The following MECOM variants were observed in gnomAD, a reference collection of about 807,000 sequenced individuals.
MECOM encodes the protein MDS1 and EVI1 complex locus.
MECOM carries 13 observed loss-of-function variants against 116.3 expected under a neutral mutation model. That is an observed-to-expected ratio of 0.11 (90% CI 0.07 to 0.18). The LOEUF is 0.18. MECOM is among the 10% of genes least tolerant of loss of function. MECOM has a pLI of 1.00. For missense variants in MECOM, 1,299 were observed against 1,509.0 expected, an observed-to-expected ratio of 0.86 and a Z score of 2.31; for synonymous variants, 528 against 535.2, an observed-to-expected ratio of 0.99 and a Z score of 0.19.
At chr3:169,452,022 G>A (rs1745682414) in intron 1 of MECOM, among the ~76,000 whole-genome samples, 1 of 151,790 alleles carries the variant, frequency 6.6e-6, no homozygotes, top group Non-Finnish European at 1.5e-5. Context: ...CTAGTCTCTA[G>A]TAATGCTTTT....
At chr3:169,299,905 A>T (rs763269315) in intron 2 of MECOM, among the ~76,000 whole-genome samples, 4 of 152,190 alleles carry the variant, frequency 2.6e-5, no homozygotes, top group Non-Finnish European at 5.9e-5. Flanking sequence ...ATGAATGTGG[A>T]TAAGTATTGA....
intron 2 of MECOM, among the ~76,000 whole-genome samples, chr3:169,354,855 T>C (rs1252444282): frequency 6.6e-6 from 1 of 151,798 alleles, no homozygotes; most frequent in Non-Finnish European, 1.5e-5. Flanking sequence ...GACACACAAT[T>C]ACACTCCCCT....
At chr3:169,663,032 C>A (rs1776529831) in intron 1 of MECOM, among the ~76,000 whole-genome samples, 1 of 134,044 alleles carries the variant, frequency 7.5e-6, no homozygotes, top group South Asian at 2.7e-4. Flanking sequence ...CGCGCTCTCT[C>A]CTCCCTCCCA....
At chr3:169,109,489 A>G (rs1726597921) in intron 9 of MECOM, among the ~76,000 whole-genome samples, 2 of 150,314 alleles carry the variant, frequency 1.3e-5, no homozygotes, top group South Asian at 4.2e-4. Flanking sequence ...ATCTCAGCTC[A>G]CTGCAACCTC....
intron 2 of MECOM, among the ~76,000 whole-genome samples, chr3:169,157,580 A>G (rs1292159225): frequency 6.6e-6 from 1 of 152,204 alleles, no homozygotes; most frequent in African/African-American, 2.4e-5. Context: ...ATCATTGTGA[A>G]AATATGGACA....
At chr3:169,315,788 C>T (rs954503647) in intron 2 of MECOM, among the ~76,000 whole-genome samples, 3 of 152,048 alleles carry the variant, frequency 2.0e-5, no homozygotes, top group Non-Finnish European at 4.4e-5. Flanking sequence ...ATATCTATTC[C>T]ATGAATGTTA....
chr3:169,472,580 G>GAGGAAAGGAA lies in MECOM; in HGVS notation c.38-91066_38-91057dup, dbSNP rs779270656. Among the ~76,000 whole-genome samples the GAGGAAAGGAA allele has an allele frequency of 1.0e-3, 59 of 59,080 alleles. 2 individuals carry two copies. The highest frequency in any genetic ancestry group is 2.6e-3 in the East Asian group (5 of 1,934). The allele number at this position is 59,080 out of a possible 152,430, so 38.8% of individuals were successfully genotyped here. ...AAAGAGAGGAGAGGAGAGGAGAGGA[G>GAGGAAAGGAA]AGGAAAGGAAAGGAAAGGAAAGGAA... is the stretch of plus-strand genomic sequence containing the variant. On this transcript the variant is annotated intron_variant, in intron 1 of 16. Transcript: ENST00000651503.
intron 1 of MECOM, among the ~76,000 whole-genome samples, chr3:169,397,098 G>T (rs1560220866): frequency 6.6e-6 from 1 of 152,118 alleles, no homozygotes; most frequent in Admixed American, 6.6e-5. Context: ...TGTCTTTCAG[G>T]TCTACCTGCA....
chr3:169,158,199 C>T, intron 2 of MECOM, among the ~76,000 whole-genome samples: 1 of 152,142 alleles, frequency 6.6e-6, no homozygotes, highest in South Asian at 2.1e-4. Context: ...GTTGTCGTCC[C>T]TGGAGAAATT....
At position 169,255,502 on chromosome 3, in the gene MECOM, A is replaced by T. The variant is rs187930704; in HGVS notation, c.376-111670T>A. Among the ~76,000 whole-genome samples the T allele has an allele frequency of 1.3e-3, 202 of 151,938 alleles. 1 individual carries two copies. Among genetic ancestry groups the T allele is most frequent in the African/African-American group, 4.7e-3 (194 of 41,432 alleles). ...TGGCTCAGGGGTAGTCTCGGTGATC[A>T]GCCTGTTTATATTTCTGTTTCCTTC... is the stretch of plus-strand genomic sequence containing the variant. On this transcript the variant is annotated intron_variant, in intron 2 of 16. Transcript: ENST00000651503.
At chr3:169,132,965 G>A (rs759858648) in intron 3 of MECOM, among the ~76,000 whole-genome samples, 3 of 151,664 alleles carry the variant, frequency 2.0e-5, no homozygotes, top group Non-Finnish European at 4.4e-5. Context: ...TGTTACTCTG[G>A]CTGGTCTCGA....
intron 1 of MECOM, among the ~76,000 whole-genome samples, chr3:169,632,848 G>C (rs2109978009): frequency 6.6e-6 from 1 of 152,282 alleles, no homozygotes; most frequent in Admixed American, 6.5e-5. Context: ...AAAAGGAAAA[G>C]GCTTGGATGG....
intron 1 of MECOM, among the ~76,000 whole-genome samples, chr3:169,583,786 T>TA (rs397875418): frequency 6.6e-5 from 10 of 151,110 alleles, no homozygotes; most frequent in Admixed American, 2.0e-4. Context: ...TTTTTTTTTT[T>TA]AAGAAACGAA....
chr3:169,472,506 AG>A (rs1187999064), intron 1 of MECOM, among the ~76,000 whole-genome samples: 1,473 of 91,026 alleles, frequency 0.016, 92 homozygotes, highest in East Asian at 0.044. Flanking sequence ...AGGAAAGGAA[AG>A]GAAAGGAAAG....
At chr3:169,389,565 T>C in intron 1 of MECOM, 2 of 985,442 alleles carry the variant, frequency 2.0e-6, no homozygotes, top group Non-Finnish European at 2.4e-6. Flanking sequence ...CTGATGGACC[T>C]GATGGGCTTT....
At chr3:169,115,354 A>G (rs1267214093) in intron 8 of MECOM, 29 bp downstream of exon 8, 2 of 1,597,156 alleles carry the variant, frequency 1.3e-6, no homozygotes, top group African/African-American at 2.7e-5. Context: ...ACATCTGCTC[A>G]TATTTCGTCA....
chr3:169,414,630 A>T (rs2108472754), intron 1 of MECOM, among the ~76,000 whole-genome samples: 1 of 152,338 alleles, frequency 6.6e-6, no homozygotes, highest in South Asian at 2.1e-4. Context: ...GGAAGCTAAA[A>T]ACCTTGAGAA....
intron 2 of MECOM, among the ~76,000 whole-genome samples, chr3:169,184,214 C>T (rs1214934560): frequency 6.6e-6 from 1 of 152,116 alleles, no homozygotes; most frequent in Non-Finnish European, 1.5e-5. Context: ...GGTACTTTCT[C>T]AGGGACAGCT....
intron 1 of MECOM, among the ~76,000 whole-genome samples, chr3:169,595,887 A>G: frequency 6.6e-6 from 1 of 151,170 alleles, no homozygotes; most frequent in South Asian, 2.1e-4. Context: ...CTTTTGGCAC[A>G]TTGAAGAAAA....
Sources: gnomAD v4.1 joint callset for allele counts (sites outside exome capture counted in the v4.1 genomes callset) on GRCh38, gnomAD v4.1.1 for gene constraint, MANE v1.5 for transcripts, NCBI Gene and HGNC (gene_info 2026-07-23, HGNC 2026-07-21) for gene names.